The following CADPS variants were observed in gnomAD, a reference collection of about 807,000 sequenced individuals.
CADPS encodes calcium dependent secretion activator.
In CADPS, 57 loss-of-function variants were observed where a neutral mutation model predicts 167.3. The ratio of observed to expected loss-of-function variants is 0.34; its 90% CI spans 0.28 to 0.42. CADPS has a LOEUF of 0.42. Ranked by LOEUF, CADPS falls within the 20% of genes least tolerant of loss-of-function variation. CADPS has a pLI of 1.00. For missense variants in CADPS, 1,414 were observed against 1,738.1 expected, an observed-to-expected ratio of 0.81 and a Z score of 3.32; for synonymous variants, 676 against 635.3, an observed-to-expected ratio of 1.06 and a Z score of -0.96.
At chr3:62,475,250 A>G (rs2061121377) in intron 23 of CADPS, among the ~76,000 whole-genome samples, 1 of 152,160 alleles carries the variant, frequency 6.6e-6, no homozygotes, top group African/African-American at 2.4e-5. Context: ...TGACATCAGC[A>G]TTGTAAAAGG....
intron 3 of CADPS, among the ~76,000 whole-genome samples, chr3:62,729,820 G>A (rs923160589): frequency 6.6e-6 from 1 of 151,664 alleles, no homozygotes; most frequent in Non-Finnish European, 1.5e-5. Context: ...TGCATCTGTG[G>A]TGGCCATTAG....
At chr3:62,829,582 T>G (rs547965156) in intron 1 of CADPS, among the ~76,000 whole-genome samples, 9 of 152,268 alleles carry the variant, frequency 5.9e-5, no homozygotes, top group East Asian at 5.8e-4. Flanking sequence ...TACCTATTCA[T>G]GGTTCCTACC....
intron 1 of CADPS, among the ~76,000 whole-genome samples, chr3:62,767,741 C>T (rs1054242581): frequency 1.3e-5 from 2 of 151,990 alleles, no homozygotes; most frequent in Non-Finnish European, 2.9e-5. Flanking sequence ...CATTCTAGGG[C>T]ACCACTATTC....
intron 13 of CADPS, among the ~76,000 whole-genome samples, chr3:62,529,623 T>C (rs2073180716): frequency 6.6e-6 from 1 of 152,206 alleles, no homozygotes; most frequent in Non-Finnish European, 1.5e-5. Context: ...GTGAAGGAGA[T>C]GGATGGCCAC....
intron 3 of CADPS, among the ~76,000 whole-genome samples, chr3:62,717,643 A>G (rs564741872): frequency 6.6e-6 from 1 of 152,194 alleles, no homozygotes; most frequent in Middle Eastern, 3.4e-3. Context: ...CAGCTTCTCA[A>G]TATCACAAGA....
rs1554091994 is a variant in CADPS at position 62,701,619 on chromosome 3, A to AAG, written c.889-39226_889-39225insCT. 7.3e-5 allele frequency among the ~76,000 whole-genome samples: 11 copies of AAG among 151,420 alleles called. No individual in the cohort carries two copies. The East Asian group carries it at 7.8e-4, about 11-fold the overall frequency. ...CAAGACTCAGTCTAAAAAAAAAAAA[A>AAG]AAAGAAAGAAAGAAAGGAAAAGAAA... On this transcript the variant is annotated intron_variant, in intron 3 of 29. Transcript: ENST00000383710.
chr3:62,685,527 G>A (rs1231529644), intron 3 of CADPS, among the ~76,000 whole-genome samples: 4 of 151,944 alleles, frequency 2.6e-5, no homozygotes. Flanking sequence ...AGAATGTGAA[G>A]TGACTTATTT....
intron 9 of CADPS, among the ~76,000 whole-genome samples, chr3:62,559,898 T>A (rs1370583812): frequency 7.4e-5 from 11 of 149,552 alleles, no homozygotes; most frequent in East Asian, 1.9e-4. Context: ...ACTTAAGATT[T>A]AAAAAAAAAA....
At chr3:62,417,273 A>ATT (rs1491233573) in intron 28 of CADPS, among the ~76,000 whole-genome samples, 557 of 51,500 alleles carry the variant, frequency 0.011, 153 homozygotes, top group Middle Eastern at 0.029. Flanking sequence ...TTTTTCTTTT[A>ATT]CTCTTTTTTT....
At chr3:62,657,496 C>T (rs1026422137) in intron 4 of CADPS, among the ~76,000 whole-genome samples, 2 of 152,152 alleles carry the variant, frequency 1.3e-5, no homozygotes, top group Non-Finnish European at 2.9e-5. Flanking sequence ...TTTGATCACA[C>T]AATTTAAATA....
chr3:62,571,007 C>A, intron 8 of CADPS, 69 bp from the exon 9 acceptor site: 1 of 1,050,500 alleles, frequency 9.5e-7, no homozygotes, highest in South Asian at 1.3e-5. Context: ...CACACTTTGC[C>A]GTGAAGCTTG....
intron 9 of CADPS, among the ~76,000 whole-genome samples, chr3:62,565,546 T>G (rs1213673038): frequency 6.6e-6 from 1 of 152,162 alleles, no homozygotes; most frequent in Admixed American, 6.5e-5. Context: ...CAGAGTCTTC[T>G]GGATGGCACC....
chr3:62,406,061 G>A (rs896772054), intron 28 of CADPS, among the ~76,000 whole-genome samples: 44 of 152,212 alleles, frequency 2.9e-4, no homozygotes, highest in African/African-American at 1.1e-3. Flanking sequence ...CTCCAAGATA[G>A]CCACAGCATT....
At chr3:62,408,407 A>G (rs1315015894) in intron 28 of CADPS, among the ~76,000 whole-genome samples, 2 of 152,152 alleles carry the variant, frequency 1.3e-5, no homozygotes, top group Non-Finnish European at 2.9e-5. Flanking sequence ...AAATTTTGTG[A>G]TAGAAAAGTT....
At chr3:62,777,105 T>A (rs2090487998) in intron 1 of CADPS, among the ~76,000 whole-genome samples, 1 of 152,150 alleles carries the variant, frequency 6.6e-6, no homozygotes, top group African/African-American at 2.4e-5. Flanking sequence ...GAGCTCAGAT[T>A]AAAATACTAG....
At chr3:62,668,480 C>G (rs1042313139) in intron 3 of CADPS, among the ~76,000 whole-genome samples, 3 of 152,166 alleles carry the variant, frequency 2.0e-5, no homozygotes, top group African/African-American at 7.2e-5. Context: ...TTCCTCATGC[C>G]TGGAGCACTC....
intron 1 of CADPS, among the ~76,000 whole-genome samples, chr3:62,859,086 GCA>G (rs1195296849): frequency 3.9e-5 from 6 of 152,082 alleles, no homozygotes; most frequent in Non-Finnish European, 8.8e-5. Context: ...AGACAGAAAT[GCA>G]CAGAGTTCTT....
intron 14 of CADPS, among the ~76,000 whole-genome samples, chr3:62,516,917 T>C (rs2069126922): frequency 2.0e-5 from 3 of 152,250 alleles, no homozygotes; most frequent in Admixed American, 6.5e-5. Context: ...TAGATTTCTA[T>C]TGTGAAGGAG....
intron 18 of CADPS, among the ~76,000 whole-genome samples, chr3:62,494,277 T>A (rs1166832189): frequency 6.6e-6 from 1 of 152,154 alleles, no homozygotes; most frequent in Non-Finnish European, 1.5e-5. Flanking sequence ...CTAAGTCCAG[T>A]AGATAGAGAA....
Sources: allele counts gnomAD v4.1 joint callset (sites outside exome capture counted in the v4.1 genomes callset), GRCh38; gene constraint gnomAD v4.1.1; transcripts MANE v1.5; gene names NCBI Gene and HGNC (gene_info 2026-07-23, HGNC 2026-07-21).